OSBPL11: variants seen among roughly 807,000 people sequenced by gnomAD.
OSBPL11 encodes oxysterol binding protein like 11, also known as oxysterol-binding protein-related protein 11.
A neutral mutation model predicts 84.4 loss-of-function variants in OSBPL11; 33 were observed. That is an observed-to-expected ratio of 0.39 (90% CI 0.30 to 0.52). The LOEUF (loss-of-function observed/expected upper bound fraction) is 0.52, where lower values mean the gene tolerates loss of function less well. OSBPL11 is among the 20% of genes least tolerant of loss of function. The probability of loss-of-function intolerance (pLI) is 0.72; values close to 1 mark genes in which losing one functional copy is unlikely to be tolerated. For missense variants in OSBPL11, 736 were observed against 901.1 expected, an observed-to-expected ratio of 0.82 and a Z score of 2.35; for synonymous variants, 276 against 310.2, an observed-to-expected ratio of 0.89 and a Z score of 1.16.
At chr3:125,540,049 C>T (rs780116976) in intron 10 of OSBPL11, among the ~76,000 whole-genome samples, 10 of 152,166 alleles carry the variant, frequency 6.6e-5, no homozygotes, top group Admixed American at 5.2e-4. Context: ...TCTGCGAACT[C>T]AGCTCAAGGC....
At chr3:125,586,865 T>C (rs1936520181) in intron 1 of OSBPL11, among the ~76,000 whole-genome samples, 1 of 152,222 alleles carries the variant, frequency 6.6e-6, no homozygotes, top group South Asian at 2.1e-4. Flanking sequence ...AGATAAAAGT[T>C]TTTAAAATTA....
chr3:125,535,439 CTTTTTTT>C (rs763678488), intron 11 of OSBPL11, among the ~76,000 whole-genome samples: 1 of 84,282 alleles, frequency 1.2e-5, no homozygotes, highest in Non-Finnish European at 2.3e-5. Context: ...TCAGAAGCAT[CTTTTTTT>C]TTTTTTTTTT....
At chr3:125,574,064 C>G (rs6809469) in intron 5 of OSBPL11, among the ~76,000 whole-genome samples, 10,490 of 151,934 alleles carry the variant, frequency 0.069, 487 homozygotes, top group African/African-American at 0.14. Flanking sequence ...CTGCAGAGAC[C>G]CCTGTGAGAC....
intron 4 of OSBPL11, among the ~76,000 whole-genome samples, chr3:125,578,150 A>T (rs1580059866): frequency 6.6e-6 from 1 of 152,234 alleles, no homozygotes; most frequent in African/African-American, 2.4e-5. Flanking sequence ...ATGGATTAAA[A>T]AAGTAGTATA....
rs1393840352 is a variant in OSBPL11 at position 125,572,847 on chromosome 3, TTA to T, written c.666+3340_666+3341del. Among the ~76,000 whole-genome samples the T allele has an allele frequency of 2.7e-5, 4 of 146,652 alleles. No individual in the cohort carries two copies. The South Asian group carries it at 6.3e-4, about 23-fold the overall frequency. On this transcript the variant is annotated intron_variant, in intron 5 of 12. Coordinates refer to ENST00000296220, the MANE Select transcript of OSBPL11 (RefSeq NM_022776.5). The stretch of plus-strand genomic sequence containing the variant: ...TTATGTATACATATATATATTTTAT[TTA>T]TATATATTTATATATTTATATATAT...
At chr3:125,534,647 C>A (rs552495225) in intron 11 of OSBPL11, among the ~76,000 whole-genome samples, 1 of 148,926 alleles carries the variant, frequency 6.7e-6, no homozygotes, top group African/African-American at 2.4e-5. Flanking sequence ...CATAAAAAGT[C>A]ATCAGATAGA....
At chr3:125,587,855 C>A (rs1428753777) in intron 1 of OSBPL11, among the ~76,000 whole-genome samples, 2 of 152,148 alleles carry the variant, frequency 1.3e-5, no homozygotes, top group Non-Finnish European at 2.9e-5. Flanking sequence ...GGGAGGATTG[C>A]TTGAGCCCAG....
chr3:125,568,022 C>T (rs1464685221), intron 5 of OSBPL11, among the ~76,000 whole-genome samples: 1 of 145,024 alleles, frequency 6.9e-6, no homozygotes, highest in Non-Finnish European at 1.5e-5. Flanking sequence ...CATATTAGGC[C>T]ATATTAGGCT....
At chr3:125,564,763 T>C (rs549489372) in intron 6 of OSBPL11, among the ~76,000 whole-genome samples, 2 of 151,990 alleles carry the variant, frequency 1.3e-5, no homozygotes, top group South Asian at 2.1e-4. Context: ...CAAGTGATTA[T>C]CCTGCCTCAG....
At position 125,530,525 on chromosome 3, in the gene OSBPL11, G is replaced by C. The variant is rs760563885; in HGVS notation, c.2234C>G (p.Pro745Arg). 2 of 1,613,624 alleles carry C rather than the reference G, an allele frequency of 1.2e-6. No homozygotes were observed. Among genetic ancestry groups the C allele is most frequent in the South Asian group, 2.2e-5 (2 of 91,064 alleles). ...TTTAGATAGTATGTGTCACTCTGCT[G>C]GTTGTGTTGTTGGAATTATTTTCCA... ...PLWKIIPTTQ[P>R]AE Residue 745 changes from proline (P) to arginine (R), a missense_variant, in exon 13 of 13, where the codon CCA (proline) becomes CGA (arginine). This residue lies in a region of OSBPL11 where 579 missense variants were observed against 717.6 expected (regional missense o/e 0.81). Transcript: ENST00000296220.
chr3:125,576,496 G>A (rs1936326001), intron 4 of OSBPL11, 131 bp from the exon 5 acceptor site: 1 of 621,720 alleles, frequency 1.6e-6, no homozygotes, highest in Non-Finnish European at 2.4e-6. Flanking sequence ...AATTGACTAT[G>A]AGAACATTTC....
intron 1 of OSBPL11, among the ~76,000 whole-genome samples, chr3:125,584,245 A>G (rs184927876): frequency 4.2e-4 from 64 of 152,220 alleles, no homozygotes; most frequent in Non-Finnish European, 8.1e-4. Context: ...ACGTGCCTGT[A>G]ATCCCAGCTA....
intron 10 of OSBPL11, among the ~76,000 whole-genome samples, chr3:125,546,598 T>C (rs1052792850): frequency 6.6e-6 from 1 of 152,120 alleles, no homozygotes; most frequent in African/African-American, 2.4e-5. Context: ...AAATCACATG[T>C]GACTAAGAAA....
chr3:125,563,993 A>C, intron 6 of OSBPL11, 150 bp from the exon 7 acceptor site: 61 of 737,866 alleles, frequency 8.3e-5, no homozygotes, highest in Non-Finnish European at 1.2e-4. Flanking sequence ...CTTATATCTC[A>C]TTAGCATGAG....
chr3:125,576,207 A>C lies in OSBPL11; in HGVS notation c.648T>G (p.His216Gln). The C allele has an allele frequency of 6.2e-7, 1 of 1,607,748 alleles. No homozygotes were observed. The highest frequency in any genetic ancestry group is 8.5e-7 in the Non-Finnish European group (1 of 1,178,358). Residue 216 changes from histidine to glutamine, a missense_variant, in exon 5 of 13, where the codon CAT (histidine) becomes CAG (glutamine). This residue lies in a region of OSBPL11 where 579 missense variants were observed against 717.6 expected (regional missense o/e 0.81). Coordinates refer to ENST00000296220, the MANE Select transcript of OSBPL11 (RefSeq NM_022776.5). ...TACTTACTTCTCTGACTTCCACAAG[A>C]TGGTCTGGAGGTAAATTAGTTCTTT... ...LSKRTNLPPDHLVEVREMMSH... is the reference protein window; with the variant it reads ...LSKRTNLPPDQLVEVREMMSH...
chr3:125,583,515 A>T (rs1346200702), intron 1 of OSBPL11, among the ~76,000 whole-genome samples: 2 of 135,512 alleles, frequency 1.5e-5, no homozygotes, highest in Non-Finnish European at 3.1e-5. Flanking sequence ...CAGGAGGTGG[A>T]GGCTGCAATG....
At chr3:125,576,476 T>C in intron 4 of OSBPL11, 111 bp from the exon 5 acceptor site, 1 of 786,388 alleles carries the variant, frequency 1.3e-6, no homozygotes, top group Non-Finnish European at 1.8e-6. Context: ...TAAAATTAAA[T>C]TAACTTCAGA....
intron 8 of OSBPL11, among the ~76,000 whole-genome samples, chr3:125,554,907 A>G (rs1042756808): frequency 6.6e-6 from 1 of 152,186 alleles, no homozygotes; most frequent in Non-Finnish European, 1.5e-5. Flanking sequence ...AAACAAACAA[A>G]CAAACAAAAT....
intron 4 of OSBPL11, among the ~76,000 whole-genome samples, chr3:125,577,012 C>T (rs926299575): frequency 6.6e-6 from 1 of 152,112 alleles, no homozygotes; most frequent in African/African-American, 2.4e-5. Context: ...ACAGAAAATG[C>T]ACTCAGCAAT....
Sources: gnomAD v4.1 joint callset for allele counts (sites outside exome capture counted in the v4.1 genomes callset) on GRCh38, gnomAD v4.1.1 for gene constraint, gnomAD v4.1.1 regional missense constraint, MANE v1.5 for transcripts, NCBI Gene and HGNC (gene_info 2026-07-23, HGNC 2026-07-21) for gene names.